The following SLC38A4 variants were observed in gnomAD, a reference collection of about 807,000 sequenced individuals.
SLC38A4 encodes the protein sodium-coupled neutral amino acid transporter 4.
A neutral mutation model predicts 63.1 loss-of-function variants in SLC38A4; 20 were observed. That is an observed-to-expected ratio of 0.32 (90% confidence interval 0.22 to 0.46). SLC38A4 has a LOEUF of 0.46. SLC38A4 is among the 20% of genes least tolerant of loss of function. The probability of loss-of-function intolerance (pLI) is 1.00; values close to 1 mark genes in which losing one functional copy is unlikely to be tolerated. For synonymous variants in SLC38A4, 230 were observed against 225.5 expected, an observed-to-expected ratio of 1.02 and a Z score of -0.18; for missense variants, 526 against 663.6, an observed-to-expected ratio of 0.79 and a Z score of 2.28.
intron 3 of SLC38A4, among the ~76,000 whole-genome samples, chr12:46,790,763 G>A (rs1389769484): frequency 6.6e-6 from 1 of 152,046 alleles, no homozygotes; most frequent in Non-Finnish European, 1.5e-5. Flanking sequence ...GATGAGAAAT[G>A]TCCCCAGTAT....
chr12:46,811,457 A>G (rs749323344), intron 1 of SLC38A4, among the ~76,000 whole-genome samples: 2 of 152,014 alleles, frequency 1.3e-5, no homozygotes, highest in Non-Finnish European at 2.9e-5. Flanking sequence ...AAGCAAAGGC[A>G]AGGAGGCAAG....
At chr12:46,785,956 T>C (rs1340649746) in intron 5 of SLC38A4, among the ~76,000 whole-genome samples, 1 of 151,986 alleles carries the variant, frequency 6.6e-6, no homozygotes, top group Non-Finnish European at 1.5e-5. Context: ...TTTATCTTTG[T>C]TTATTTTTAA....
chr12:46,800,933 T>C (rs1939119465), intron 2 of SLC38A4, among the ~76,000 whole-genome samples: 2 of 152,170 alleles, frequency 1.3e-5, no homozygotes, highest in South Asian at 4.1e-4. Flanking sequence ...AAAAATCGCT[T>C]TGTTGCACAG....
intron 13 of SLC38A4, among the ~76,000 whole-genome samples, chr12:46,776,107 A>G: frequency 6.6e-6 from 1 of 152,042 alleles, no homozygotes; most frequent in Non-Finnish European, 1.5e-5. Context: ...TTACCAAGTC[A>G]GTAAGAAAAA....
intron 1 of SLC38A4, among the ~76,000 whole-genome samples, chr12:46,816,813 A>T (rs1263495575): frequency 1.3e-5 from 2 of 151,962 alleles, no homozygotes; most frequent in African/African-American, 4.8e-5. Flanking sequence ...GAAACTCAGA[A>T]ATATATGCAT....
chr12:46,784,928 A>C (rs766505236), intron 6 of SLC38A4, among the ~76,000 whole-genome samples, 176 bp downstream of exon 6: 1 of 151,942 alleles, frequency 6.6e-6, no homozygotes, highest in Non-Finnish European at 1.5e-5. Context: ...GTTGACTTTC[A>C]CTCCTGCCTC....
intron 1 of SLC38A4, among the ~76,000 whole-genome samples, chr12:46,805,314 A>C (rs1408634503): frequency 6.6e-6 from 1 of 152,052 alleles, no homozygotes; most frequent in Non-Finnish European, 1.5e-5. Context: ...ACATAGCAAA[A>C]TTCTTATTAC....
At chr12:46,795,760 C>T (rs551754386) in intron 2 of SLC38A4, among the ~76,000 whole-genome samples, 1 of 152,034 alleles carries the variant, frequency 6.6e-6, no homozygotes, top group Non-Finnish European at 1.5e-5. Context: ...AGAAACTTCT[C>T]TCTTCTAGCT....
At chr12:46,829,273 C>T (rs568955120), upstream of SLC38A4, among the ~76,000 whole-genome samples, 1 of 152,272 alleles carries the variant, frequency 6.6e-6, no homozygotes, top group East Asian at 1.9e-4. Context: ...TCTTATCCTT[C>T]CTGCAGAACA....
At chr12:46,792,085 T>C (rs1474337845) in intron 3 of SLC38A4, among the ~76,000 whole-genome samples, 1 of 151,968 alleles carries the variant, frequency 6.6e-6, no homozygotes, top group Non-Finnish European at 1.5e-5. Context: ...AGGATGGAAA[T>C]TGATTCAATT....
intron 1 of SLC38A4, among the ~76,000 whole-genome samples, chr12:46,814,692 A>G (rs1036040644): frequency 5.3e-5 from 8 of 151,928 alleles, no homozygotes; most frequent in African/African-American, 1.2e-4. Context: ...GTTTTTAATC[A>G]TTATGAATCA....
chr12:46,780,569 G>C (rs1938618275), intron 7 of SLC38A4, among the ~76,000 whole-genome samples: 1 of 151,596 alleles, frequency 6.6e-6, no homozygotes, highest in African/African-American at 2.4e-5. Flanking sequence ...AAGAATACAA[G>C]AGATGACAGC....
chr12:46,779,692 T>G, intron 9 of SLC38A4, 23 bp from the exon 10 acceptor site: 1 of 1,599,000 alleles, frequency 6.3e-7, no homozygotes, highest in Non-Finnish European at 8.5e-7. Context: ...AGAAGCATTT[T>G]GGAAGGTGAA....
rs73104757 is a variant in SLC38A4, at chr12:46,815,507, A to G, written c.-305+10396T>C. On this transcript the variant is annotated intron_variant, in intron 1 of 16. Coordinates refer to ENST00000266579, the MANE Select transcript of SLC38A4 (RefSeq NM_018018.5). ...TGTCTAGTTTATTTACTTTTCTTCAATGAGATAATTTACAACCTTAGAATA... is the reference window on the plus strand; with the variant it reads ...TGTCTAGTTTATTTACTTTTCTTCAGTGAGATAATTTACAACCTTAGAATA... 3.4e-3 allele frequency among the ~76,000 whole-genome samples: 511 copies of G among 151,658 alleles called. 3 individuals are homozygous for G. Among genetic ancestry groups the G allele is most frequent in the Non-Finnish European group, 5.6e-3 (383 of 67,788 alleles).
At chr12:46,816,998 C>G (rs1939453019) in intron 1 of SLC38A4, among the ~76,000 whole-genome samples, 1 of 151,632 alleles carries the variant, frequency 6.6e-6, no homozygotes, top group Non-Finnish European at 1.5e-5. Context: ...CTGAAAAGTC[C>G]ATGACCGGAA....
intron 1 of SLC38A4, among the ~76,000 whole-genome samples, chr12:46,818,274 A>G (rs1331619230): frequency 6.6e-6 from 1 of 151,928 alleles, no homozygotes; most frequent in Non-Finnish European, 1.5e-5. Context: ...GCCACACTAG[A>G]GTCTTAAGAG....
rs559154095 is a variant in SLC38A4 at position 46,776,817 on chromosome 12, G to A, written c.1174+87C>T. On this transcript the variant is annotated intron_variant, in intron 13 of 16. Transcript: ENST00000266579. ...TCATCTATAGAGCATGCTTATAGAA[G>A]GCAATTTTTAAAAATCATACCTACC... 2.4e-5 allele frequency: 27 copies of A among 1,122,836 alleles called. 1 individual carries two copies. The South Asian group carries it at 3.4e-4, about 14-fold the overall frequency. 69.6% of individuals were successfully genotyped at this position (1,122,836 alleles called of 1,614,324 possible). A position where few individuals can be genotyped will look rare whatever the true frequency, so the allele number is the denominator to read the frequency against.
intron 9 of SLC38A4, 38 bp downstream of exon 9, chr12:46,779,742 T>C (rs1565665638): frequency 1.3e-6 from 2 of 1,585,574 alleles, no homozygotes; most frequent in Admixed American, 3.6e-5. Flanking sequence ...AAATGTGAAA[T>C]AAAAATAAAA....
At chr12:46,805,228 C>T (rs900116638) in intron 1 of SLC38A4, among the ~76,000 whole-genome samples, 2 of 151,906 alleles carry the variant, frequency 1.3e-5, no homozygotes, top group African/African-American at 2.4e-5. Context: ...AGTAAATTAG[C>T]ATTGGATAAA....
Sources: allele counts gnomAD v4.1 joint callset (sites outside exome capture counted in the v4.1 genomes callset), GRCh38; gene constraint gnomAD v4.1.1; transcripts MANE v1.5; gene names NCBI Gene and HGNC (gene_info 2026-07-23, HGNC 2026-07-21).